The following ATE1 variants were observed in gnomAD, a reference collection of about 807,000 sequenced individuals.
ATE1 encodes arginyl-tRNA--protein transferase 1.
Under a neutral mutation model 70.5 loss-of-function variants are expected in ATE1, and 36 were observed. The ratio of observed to expected loss-of-function variants is 0.51; its 90% CI spans 0.39 to 0.67. ATE1 has a LOEUF of 0.67. ATE1 is among the 30% of genes least tolerant of loss of function. The pLI, the probability that ATE1 is intolerant of heterozygous loss-of-function variation, is 0.00. For missense variants in ATE1, 593 were observed against 629.5 expected, an observed-to-expected ratio of 0.94 and a Z score of 0.62; for synonymous variants, 232 against 219.3, an observed-to-expected ratio of 1.06 and a Z score of -0.51.
intron 5 of ATE1, 105 bp downstream of exon 5, chr10:121,910,801 G>T: frequency 6.8e-7 from 1 of 1,469,610 alleles, no homozygotes; most frequent in Non-Finnish European, 9.4e-7. Flanking sequence ...TTTACAGACT[G>T]CACGACTAAG....
At chr10:121,853,529 G>T (rs1564897252) in intron 8 of ATE1, among the ~76,000 whole-genome samples, 1 of 152,056 alleles carries the variant, frequency 6.6e-6, no homozygotes, top group African/African-American at 2.4e-5. Context: ...TGCTCAACCA[G>T]TAAGTATAAT....
At chr10:121,868,320 G>A (rs1426491601) in intron 8 of ATE1, among the ~76,000 whole-genome samples, 1 of 152,126 alleles carries the variant, frequency 6.6e-6, no homozygotes, top group Non-Finnish European at 1.5e-5. Flanking sequence ...ATTACATTAA[G>A]TATAACCCTT....
At chr10:121,822,522 ATT>A (rs1947839498) in intron 10 of ATE1, among the ~76,000 whole-genome samples, 1 of 152,172 alleles carries the variant, frequency 6.6e-6, no homozygotes, top group African/African-American at 2.4e-5. Context: ...AGTTTTCTGT[ATT>A]TATATCACAC....
In ATE1 at chr10:121,764,483, C is replaced by CA. The variant is rs56333855; in HGVS notation, c.1379-20626dup. 1.1e-3 allele frequency among the ~76,000 whole-genome samples: 137 copies of CA among 123,714 alleles called. 6 individuals are homozygous for CA. The East Asian group carries it at 0.026, about 23-fold the overall frequency. The allele number at this position is 123,714 out of a possible 152,430, so 81.2% of individuals were successfully genotyped here. On this transcript the variant is annotated intron_variant, in intron 11 of 11. Transcript: ENST00000224652. ...AAGACCTTGTCTGTACCGGTTCCTG[C>CA]AAAAAAAAAAAAAAAAAAAGATTGA...
At chr10:121,892,288 T>C (rs2134211188) in intron 7 of ATE1, among the ~76,000 whole-genome samples, 1 of 152,160 alleles carries the variant, frequency 6.6e-6, no homozygotes, top group Middle Eastern at 3.4e-3. Context: ...AATAGAACTA[T>C]CACTAGGGCA....
At chr10:121,822,163 T>TA (rs1181662913) in intron 10 of ATE1, among the ~76,000 whole-genome samples, 1 of 152,112 alleles carries the variant, frequency 6.6e-6, no homozygotes, top group African/African-American at 2.4e-5. Context: ...AGAATGGGTG[T>TA]AAAAAATGTG....
At chr10:121,928,256 C>T (rs1460313153), upstream of ATE1, 5 of 1,413,116 alleles carry the variant, frequency 3.5e-6, no homozygotes, top group Non-Finnish European at 4.7e-6. Flanking sequence ...GGAAGGGAAG[C>T]GGGAGTCGGG....
intron 3 of ATE1, among the ~76,000 whole-genome samples, chr10:121,917,822 T>A (rs966231573): frequency 1.3e-5 from 2 of 152,164 alleles, no homozygotes; most frequent in Non-Finnish European, 2.9e-5. Flanking sequence ...TGACATTTAA[T>A]GAGCATGTGG....
intron 10 of ATE1, among the ~76,000 whole-genome samples, chr10:121,813,748 G>C (rs1196317082): frequency 6.6e-6 from 1 of 152,192 alleles, no homozygotes; most frequent in Admixed American, 6.5e-5. Flanking sequence ...CCCCTCAGCA[G>C]CAGGAGGCCC....
At chr10:121,787,553 GA>G (rs1012675763) in intron 11 of ATE1, among the ~76,000 whole-genome samples, 1 of 152,028 alleles carries the variant, frequency 6.6e-6, no homozygotes, top group Non-Finnish European at 1.5e-5. Flanking sequence ...TTCAGCATAT[GA>G]AAAAAAGATC....
intron 8 of ATE1, among the ~76,000 whole-genome samples, chr10:121,865,254 C>T (rs1402856384): frequency 1.3e-5 from 2 of 152,164 alleles, no homozygotes; most frequent in African/African-American, 4.8e-5. Context: ...ACCAGAGGTG[C>T]TAACTTATCA....
At chr10:121,906,028 T>TA (rs1313195602) in intron 5 of ATE1, among the ~76,000 whole-genome samples, 3 of 152,142 alleles carry the variant, frequency 2.0e-5, no homozygotes, top group African/African-American at 4.8e-5. Flanking sequence ...GTGATTTAAA[T>TA]AGAGTTTAGG....
At chr10:121,765,917 A>G (rs1019661239) in intron 11 of ATE1, among the ~76,000 whole-genome samples, 6 of 152,214 alleles carry the variant, frequency 3.9e-5, no homozygotes, top group African/African-American at 1.2e-4. Flanking sequence ...AAAAAGGGAG[A>G]AGGAGGAAGA....
intron 3 of ATE1, among the ~76,000 whole-genome samples, chr10:121,918,392 T>C (rs11200258): frequency 0.13 from 20,101 of 151,902 alleles, 1,531 homozygotes; most frequent in East Asian, 0.19. Flanking sequence ...TCAGGAAACA[T>C]TTGATGCCAC....
intron 8 of ATE1, among the ~76,000 whole-genome samples, chr10:121,863,474 A>G (rs1188792412): frequency 6.6e-6 from 1 of 151,740 alleles, no homozygotes; most frequent in African/African-American, 2.4e-5. Context: ...GCTGGTCTTG[A>G]ACTCCTGACC....
chr10:121,852,470 G>A (rs1208060213), intron 8 of ATE1, among the ~76,000 whole-genome samples: 4 of 152,074 alleles, frequency 2.6e-5, no homozygotes, highest in African/African-American at 7.2e-5. Context: ...ACACACTTTG[G>A]GAGGCAGAGG....
At position 121,799,513 on chromosome 10, in the gene ATE1, C is replaced by A. The variant is rs1590333116; in HGVS notation, c.1258-9224G>T. ...CATACAGCTGTCTCCCTCCTGAGCT[C>A]TCAAATACCTGTCCATCAAAATTTC... is the stretch of plus-strand genomic sequence containing the variant. On this transcript the variant is annotated intron_variant, in intron 10 of 11. Transcript: ENST00000224652. Among the ~76,000 whole-genome samples, 3 of 152,066 alleles carry A rather than the reference C, an allele frequency of 2.0e-5. No individual in the cohort carries two copies. In the South Asian group the frequency reaches 6.2e-4, roughly 32 times the overall value.
intron 11 of ATE1, among the ~76,000 whole-genome samples, chr10:121,761,119 C>T (rs1259431015): frequency 2.0e-5 from 3 of 152,166 alleles, no homozygotes; most frequent in African/African-American, 7.2e-5. Context: ...GCCATGTGAT[C>T]CCTGCACATG....
intron 10 of ATE1, among the ~76,000 whole-genome samples, chr10:121,795,220 C>G (rs913418260): frequency 1.3e-5 from 2 of 152,016 alleles, no homozygotes; most frequent in African/African-American, 4.8e-5. Flanking sequence ...TGCACTCCAG[C>G]CTGGGCAATG....
Sources: allele counts gnomAD v4.1 joint callset (sites outside exome capture counted in the v4.1 genomes callset), GRCh38; gene constraint gnomAD v4.1.1; transcripts MANE v1.5; gene names NCBI Gene and HGNC (gene_info 2026-07-23, HGNC 2026-07-21).